ZNF708: variants seen among roughly 807,000 people sequenced by gnomAD.
ZNF708 encodes the protein ZNF15, ZNF15L1.
A neutral mutation model predicts 47.0 loss-of-function variants in ZNF708; 44 were observed. That is an observed-to-expected ratio of 0.94 (90% confidence interval 0.74 to 1.20). The LOEUF is 1.20. Ranked by LOEUF, ZNF708 falls within the 50% of genes most tolerant of loss-of-function variation. The pLI, the probability that ZNF708 is intolerant of heterozygous loss-of-function variation, is 0.00. For missense variants in ZNF708, 557 were observed against 656.0 expected, an observed-to-expected ratio of 0.85 and a Z score of 1.65; for synonymous variants, 184 against 218.5, an observed-to-expected ratio of 0.84 and a Z score of 1.39.
At chr19:21,325,234 A>G (rs1973231504) in intron 1 of ZNF708, among the ~76,000 whole-genome samples, 1 of 152,202 alleles carries the variant, frequency 6.6e-6, no homozygotes, top group East Asian at 1.9e-4. Flanking sequence ...TTCATGTGGA[A>G]CAAAAAAGAG....
At chr19:21,311,403 G>T (rs911519600) in intron 1 of ZNF708, among the ~76,000 whole-genome samples, 10 of 150,322 alleles carry the variant, frequency 6.7e-5, no homozygotes, top group African/African-American at 2.5e-4. Context: ...TTAACCGAAA[G>T]AATTATTAAC....
At chr19:21,302,884 AT>A (rs1485424199) in intron 3 of ZNF708, among the ~76,000 whole-genome samples, 1 of 152,102 alleles carries the variant, frequency 6.6e-6, no homozygotes, top group African/African-American at 2.4e-5. Flanking sequence ...AGAAAAAAAA[AT>A]CTACAAGAAA....
chr19:21,304,025 A>G (rs927957840), intron 3 of ZNF708, among the ~76,000 whole-genome samples: 3 of 152,170 alleles, frequency 2.0e-5, no homozygotes, highest in Non-Finnish European at 4.4e-5. Flanking sequence ...AAACTCAGAC[A>G]TTATAGACTG....
Position 21,293,489 on chromosome 19 carries a change from T to C in ZNF708, c.1477A>G (p.Thr493Ala), listed in dbSNP as rs375184019. The C allele has an allele frequency of 2.5e-6, 4 of 1,613,396 alleles. No homozygotes were observed. The highest frequency in any genetic ancestry group is 3.4e-6 in the Non-Finnish European group (4 of 1,179,616). ...TCTCCAGTATGAATTATCTTATGTG[T>C]AGTAAGATGAGAGGACAGAATAAAG... ...KSFILSSHLT[T>A]HKIIHTGEKP... Residue 493 changes from threonine to alanine, a missense_variant, in exon 4 of 4, where the codon ACA becomes GCA. Thr to Ala is a moderately conservative substitution (Grantham distance 58, BLOSUM62 0). Transcript: ENST00000356929.
chr19:21,305,693 C>T (rs1400566684), intron 3 of ZNF708, among the ~76,000 whole-genome samples: 3 of 151,994 alleles, frequency 2.0e-5, no homozygotes, highest in Non-Finnish European at 2.9e-5. Flanking sequence ...TAACTCCTGA[C>T]CTCATGATCT....
At chr19:21,319,786 G>A (rs1973090746) in intron 1 of ZNF708, among the ~76,000 whole-genome samples, 1 of 152,202 alleles carries the variant, frequency 6.6e-6, no homozygotes, top group Non-Finnish European at 1.5e-5. Context: ...AATGGCTACT[G>A]TTAAAAAGTC....
intron 3 of ZNF708, among the ~76,000 whole-genome samples, chr19:21,305,913 G>T (rs1030750906): frequency 1.3e-5 from 2 of 152,096 alleles, no homozygotes; most frequent in Non-Finnish European, 2.9e-5. Context: ...AGAACAGAGA[G>T]CCCAGAAATG....
In ZNF708 at chr19:21,294,410, G is replaced by A. The variant is rs766670085; in HGVS notation, c.556C>T (p.His186Tyr). Residue 186 changes from histidine (H) to tyrosine (Y), a missense_variant, in exon 4 of 4, where the codon CAT (histidine) becomes TAT (tyrosine). Transcript: ENST00000356929. ...TTTTCTCCAGTATGAATTATCTCATGTTGAGTTAGTTGTGAAAGCATGCAA... is the reference window on the plus strand; with the variant it reads ...TTTTCTCCAGTATGAATTATCTCATATTGAGTTAGTTGTGAAAGCATGCAA... ...SFCMLSQLTQ[H>Y]EIIHTGEKPY... 6.2e-6 allele frequency: 10 copies of A among 1,614,106 alleles called. No individual in the cohort carries two copies. The South Asian group carries it at 1.1e-4, about 18-fold the overall frequency.
At chr19:21,319,845 T>C (rs1973091832) in intron 1 of ZNF708, among the ~76,000 whole-genome samples, 1 of 152,152 alleles carries the variant, frequency 6.6e-6, no homozygotes, top group Non-Finnish European at 1.5e-5. Flanking sequence ...GCTTATACAC[T>C]GCTGGTGGGA....
rs58696124 is a variant in ZNF708, at chr19:21,313,122, CA to C, written c.4-2496del. The stretch of plus-strand genomic sequence containing the variant: ...TGAAACCTCATCTCTACTAAAAATA[CA>C]AAAAAAAAAAAAAAATTAGCCAGGT... On this transcript the variant is annotated intron_variant, in intron 1 of 3. Transcript: ENST00000356929. 1.1e-3 allele frequency among the ~76,000 whole-genome samples: 149 copies of C among 134,174 alleles called. 1 individual carries two copies. The highest frequency in any genetic ancestry group is 3.2e-3 in the African/African-American group (113 of 35,714). The allele number at this position is 134,174 out of a possible 152,430, so 88.0% of individuals were successfully genotyped here.
At chr19:21,329,063 A>G (rs1599696719) in intron 1 of ZNF708, 147 bp downstream of exon 1, 1 of 1,241,794 alleles carries the variant, frequency 8.1e-7, no homozygotes, top group Non-Finnish European at 1.2e-6. Context: ...CTTATGGCTG[A>G]AGGGGACTGA....
At chr19:21,305,253 C>T (rs974425735) in intron 3 of ZNF708, among the ~76,000 whole-genome samples, 6 of 151,942 alleles carry the variant, frequency 3.9e-5, no homozygotes, top group Middle Eastern at 3.4e-3. Context: ...TTGTGATTCG[C>T]TCACCTCAGC....
Position 21,309,244 on chromosome 19 carries a change from A to G in ZNF708, c.226+2T>C, listed in dbSNP as rs1250564137. The stretch of plus-strand genomic sequence containing the variant: ...TCATCTGTTGTGTTCACTCTCACCT[A>G]CCTGGGGGTTTGGCTGCCATCTCGT... On this transcript the variant is annotated splice_donor_variant, in intron 3 of 3. Coordinates refer to ENST00000356929, the MANE Select transcript of ZNF708 (RefSeq NM_021269.3). LOFTEE classifies it high-confidence loss of function. 1.3e-6 allele frequency: 2 copies of G among 1,598,742 alleles called. No homozygotes were observed. The highest frequency in any genetic ancestry group is 1.7e-6 in the Non-Finnish European group (2 of 1,170,442).
At chr19:21,304,967 A>G (rs1380366962) in intron 3 of ZNF708, among the ~76,000 whole-genome samples, 1 of 152,142 alleles carries the variant, frequency 6.6e-6, no homozygotes, top group Non-Finnish European at 1.5e-5. Context: ...CCAAAGTAAA[A>G]CTGGGAAATC....
rs1228780621 is a variant in ZNF708 at position 21,303,870 on chromosome 19, ATCTC to A, written c.226+5372_226+5375del. ...TTTACCAGGAATCTATAACTATTAT[ATCTC>A]TCTCTATATATGTATGTATGTATAA... On this transcript the variant is annotated intron_variant, in intron 3 of 3. Coordinates refer to ENST00000356929, the MANE Select transcript of ZNF708 (RefSeq NM_021269.3). 3.9e-5 allele frequency among the ~76,000 whole-genome samples: 6 copies of A among 152,136 alleles called. No homozygotes were observed. In the East Asian group the frequency reaches 1.2e-3, roughly 29 times the overall value.
intron 1 of ZNF708, among the ~76,000 whole-genome samples, chr19:21,321,065 C>T (rs185572386): frequency 1.4e-4 from 22 of 151,854 alleles, no homozygotes; most frequent in Admixed American, 9.2e-4. Context: ...GGTGTGAATC[C>T]GGGAGGCGGA....
At chr19:21,304,372 C>T (rs1451048794) in intron 3 of ZNF708, among the ~76,000 whole-genome samples, 10 of 151,882 alleles carry the variant, frequency 6.6e-5, no homozygotes, top group Non-Finnish European at 1.5e-4. Context: ...CCCCCATGAC[C>T]CAAACACCAC....
chr19:21,294,860 C>A, intron 3 of ZNF708, 121 bp from the exon 4 acceptor site: 3 of 951,998 alleles, frequency 3.2e-6, no homozygotes, highest in Non-Finnish European at 4.5e-6. Flanking sequence ...ATCCTAAATC[C>A]TTTATAGACA....
chr19:21,310,129 T>G (rs1972865867), intron 2 of ZNF708, among the ~76,000 whole-genome samples: 1 of 151,192 alleles, frequency 6.6e-6, no homozygotes, highest in Admixed American at 6.6e-5. Context: ...ACCTTTAGAG[T>G]ATATTAGGAA....
Sources: allele counts gnomAD v4.1 joint callset (sites outside exome capture counted in the v4.1 genomes callset), GRCh38; gene constraint gnomAD v4.1.1; transcripts MANE v1.5; gene names NCBI Gene and HGNC (gene_info 2026-07-23, HGNC 2026-07-21).